ARHGEF9: variants seen among roughly 807,000 people sequenced by gnomAD.
The protein encoded by ARHGEF9 is rho guanine nucleotide exchange factor 9.
A neutral mutation model predicts 41.3 loss-of-function variants in ARHGEF9; 2 were observed. That is an observed-to-expected ratio of 0.05 (90% CI 0.02 to 0.15). The LOEUF (loss-of-function observed/expected upper bound fraction) is 0.15. Among genes scored for constraint, ARHGEF9 ranks in the 10% least tolerant of loss-of-function variants. The pLI, the probability that ARHGEF9 is intolerant of heterozygous loss-of-function variation, is 1.00. For missense variants in ARHGEF9, 225 were observed against 424.7 expected (o/e 0.53, Z 4.13); for synonymous variants, 160 against 154.4 (o/e 1.04, Z -0.27).
chrX:63,675,151 T>C (rs2147314414), intron 5 of ARHGEF9, among the ~76,000 whole-genome samples: 1 of 111,545 alleles, frequency 9.0e-6, no homozygotes, highest in East Asian at 2.8e-4. Context: ...GAGGCCACCA[T>C]ACCAGTCATA....
intron 4 of ARHGEF9, among the ~76,000 whole-genome samples, chrX:63,693,102 A>G: frequency 8.9e-6 from 1 of 111,934 alleles, no homozygotes; most frequent in Non-Finnish European, 1.9e-5. Context: ...TTTAATGGGT[A>G]TAAAACTACA....
intron 6 of ARHGEF9, among the ~76,000 whole-genome samples, chrX:63,670,807 G>A (rs1406355806): frequency 8.9e-6 from 1 of 111,928 alleles, no homozygotes; most frequent in Non-Finnish European, 1.9e-5. Context: ...CCTGGGGGGT[G>A]GGGTAAAAGG....
At chrX:63,667,685 T>C (rs1295683194) in intron 6 of ARHGEF9, among the ~76,000 whole-genome samples, 1 of 110,843 alleles carries the variant, frequency 9.0e-6, no homozygotes, top group Non-Finnish European at 1.9e-5. Flanking sequence ...AGTAGAATTA[T>C]TTTCTAATAA....
At chrX:63,655,762 T>G (rs782492924) in intron 7 of ARHGEF9, 25 bp from the exon 8 acceptor site, 1 of 1,202,725 alleles carries the variant, frequency 8.3e-7, no homozygotes, top group Non-Finnish European at 1.1e-6. Context: ...AGAGGTTTCT[T>G]GAAGGTATGT....
chrX:63,782,326 G>A (rs1175876417), intron 1 of ARHGEF9, among the ~76,000 whole-genome samples: 3 of 111,819 alleles, frequency 2.7e-5, no homozygotes, highest in African/African-American at 9.7e-5. Flanking sequence ...AAGTAGGTTC[G>A]ACAATTGGTA....
chrX:63,758,065 G>T (rs782819134), intron 1 of ARHGEF9, among the ~76,000 whole-genome samples: 2 of 109,900 alleles, frequency 1.8e-5, no homozygotes, highest in South Asian at 7.9e-4. Context: ...TTTTGTGTGT[G>T]TTACCGTAGG....
intron 1 of ARHGEF9, among the ~76,000 whole-genome samples, chrX:63,760,428 T>G (rs1242813221): frequency 9.0e-6 from 1 of 111,552 alleles, no homozygotes; most frequent in African/African-American, 3.3e-5. Context: ...CAGAAATCAC[T>G]ACTCCTCCAA....
intron 3 of ARHGEF9, among the ~76,000 whole-genome samples, chrX:63,700,680 T>C (rs1208319574): frequency 1.4e-4 from 15 of 108,221 alleles, no homozygotes; most frequent in African/African-American, 5.1e-4. Context: ...CAGAGGGGAG[T>C]GAGCAGGGTA....
At chrX:63,769,313 A>C (rs1412626832) in intron 1 of ARHGEF9, among the ~76,000 whole-genome samples, 1 of 111,446 alleles carries the variant, frequency 9.0e-6, no homozygotes, top group Non-Finnish European at 1.9e-5. Context: ...TTAGGGTATC[A>C]GGTGAAAAAA....
At chrX:63,665,524 G>A (rs1556346702) in intron 7 of ARHGEF9, among the ~76,000 whole-genome samples, 1 of 112,952 alleles carries the variant, frequency 8.9e-6, no homozygotes, top group Admixed American at 9.3e-5. Flanking sequence ...AAAGTGCTCA[G>A]GGAAACTACT....
chrX:63,776,811 G>A (rs1338409102), intron 1 of ARHGEF9, among the ~76,000 whole-genome samples: 1 of 111,844 alleles, frequency 8.9e-6, no homozygotes, highest in East Asian at 2.8e-4. Flanking sequence ...TTCCCAAGCT[G>A]TACGGCACTT....
chrX:63,682,315 C>T (rs1167123009), intron 4 of ARHGEF9, among the ~76,000 whole-genome samples: 2 of 110,153 alleles, frequency 1.8e-5, no homozygotes, highest in African/African-American at 3.3e-5. Context: ...GAGATCGAGA[C>T]CATCCTGGCT....
chrX:63,757,404 C>G (rs2055954634), intron 1 of ARHGEF9, among the ~76,000 whole-genome samples: 1 of 111,496 alleles, frequency 9.0e-6, no homozygotes, highest in Non-Finnish European at 1.9e-5. Flanking sequence ...TAGTATCTCA[C>G]AAGCATATCA....
At chrX:63,644,292 A>C (rs1348189912) in intron 8 of ARHGEF9, 6 of 270,546 alleles carry the variant, frequency 2.2e-5, no homozygotes, top group African/African-American at 1.4e-4. Flanking sequence ...AGCCAAAAAA[A>C]GAATTATGAA....
At chrX:63,646,646 T>C (rs1192531603) in intron 8 of ARHGEF9, among the ~76,000 whole-genome samples, 1 of 112,182 alleles carries the variant, frequency 8.9e-6, no homozygotes, top group Non-Finnish European at 1.9e-5. Context: ...TGTAGTATAG[T>C]TTGAAGTCAG....
rs782129813 is a variant in ARHGEF9 at position 63,777,985 on chromosome X, A to C, written c.30+7131T>G. 8.9e-5 allele frequency among the ~76,000 whole-genome samples: 10 copies of C among 112,660 alleles called. No homozygotes were observed. In the Middle Eastern group the frequency reaches 0.014, roughly 155 times the overall value. On this transcript the variant is annotated intron_variant, in intron 1 of 9. Transcript: ENST00000671741. ...TCTATCATTCTGGTGTCCGGAGGACAGTGGCCCTCTTCTCACAACTCCACT... is the reference window on the plus strand; with the variant it reads ...TCTATCATTCTGGTGTCCGGAGGACCGTGGCCCTCTTCTCACAACTCCACT...
chrX:63,661,879 T>C (rs2049243764), intron 7 of ARHGEF9, among the ~76,000 whole-genome samples: 2 of 112,134 alleles, frequency 1.8e-5, no homozygotes, highest in South Asian at 7.4e-4. Context: ...CATTGTTGCA[T>C]AATTGACTGG....
At chrX:63,680,210 G>A (rs1365299060) in intron 4 of ARHGEF9, among the ~76,000 whole-genome samples, 1 of 112,117 alleles carries the variant, frequency 8.9e-6, no homozygotes, top group Non-Finnish European at 1.9e-5. Flanking sequence ...AGCTATCCAT[G>A]AACAAAAAAT....
chrX:63,682,657 G>C (rs2050732590), intron 4 of ARHGEF9, among the ~76,000 whole-genome samples: 1 of 111,904 alleles, frequency 8.9e-6, no homozygotes, highest in Non-Finnish European at 1.9e-5. Context: ...TTTATCCCTG[G>C]GATGCAAGTA....
Sources: gnomAD v4.1 joint callset for allele counts (sites outside exome capture counted in the v4.1 genomes callset) on GRCh38, gnomAD v4.1.1 for gene constraint, MANE v1.5 for transcripts, NCBI Gene and HGNC (gene_info 2026-07-23, HGNC 2026-07-21) for gene names.